PSMD1: variants seen among roughly 807,000 people sequenced by gnomAD.
PSMD1 encodes the protein 26S proteasome non-ATPase regulatory subunit 1.
Under a neutral mutation model 119.0 loss-of-function variants are expected in PSMD1, and 18 were observed. That is an observed-to-expected ratio of 0.15 (90% CI 0.10 to 0.22). PSMD1 has a LOEUF of 0.22. Ranked by LOEUF, PSMD1 falls within the 10% of genes least tolerant of loss-of-function variation. The pLI, the probability that PSMD1 is intolerant of heterozygous loss-of-function variation, is 1.00. For synonymous variants in PSMD1, 374 were observed against 396.6 expected (o/e 0.94, Z 0.68); for missense variants, 702 against 1,158.5 (o/e 0.61, Z 5.72).
chr2:231,082,249 A>G (rs866771), intron 12 of PSMD1, among the ~76,000 whole-genome samples: 3 of 151,778 alleles, frequency 2.0e-5, no homozygotes, highest in Non-Finnish European at 4.4e-5. Flanking sequence ...ATTTTTTTGT[A>G]CAGACCGAGT....
intron 17 of PSMD1, among the ~76,000 whole-genome samples, chr2:231,144,649 A>G (rs1297778311): frequency 2.6e-5 from 4 of 151,698 alleles, no homozygotes; most frequent in Non-Finnish European, 5.9e-5. Context: ...CCTGGCCTCA[A>G]TTAATCCACC....
intron 21 of PSMD1, 180 bp from the exon 22 acceptor site, chr2:231,165,020 T>C (rs1696725222): frequency 1.1e-5 from 1 of 94,960 alleles, no homozygotes; most frequent in Non-Finnish European, 2.0e-5. Context: ...ATTTATTCTT[T>C]GATTTATATA....
At chr2:231,109,351 A>G (rs1437017817) in intron 16 of PSMD1, 4 of 1,614,096 alleles carry the variant, frequency 2.5e-6, no homozygotes, top group South Asian at 1.1e-5. Flanking sequence ...CACAAGTGAT[A>G]TTGTTTGGGT....
At chr2:231,116,710 A>G (rs1482290041) in intron 16 of PSMD1, among the ~76,000 whole-genome samples, 1 of 152,102 alleles carries the variant, frequency 6.6e-6, no homozygotes, top group Non-Finnish European at 1.5e-5. Context: ...CAGAATTTAT[A>G]AACTCATTCC....
chr2:231,133,068 T>C (rs1237274603), intron 16 of PSMD1, among the ~76,000 whole-genome samples: 1 of 152,224 alleles, frequency 6.6e-6, no homozygotes. Context: ...TATACTTGGT[T>C]AAAGATTTCC....
intron 16 of PSMD1, among the ~76,000 whole-genome samples, chr2:231,088,197 G>A (rs1479384322): frequency 2.6e-5 from 4 of 152,296 alleles, no homozygotes; most frequent in Middle Eastern, 3.4e-3. Flanking sequence ...AGAACTAAGT[G>A]TGTATTAATA....
intron 16 of PSMD1, among the ~76,000 whole-genome samples, chr2:231,110,437 GAC>G (rs1168966119): frequency 1.4e-4 from 22 of 152,272 alleles, no homozygotes; most frequent in African/African-American, 4.3e-4. Flanking sequence ...TTATTAGAAA[GAC>G]AAATAATACA....
intron 16 of PSMD1, among the ~76,000 whole-genome samples, chr2:231,124,397 G>A (rs771155902): frequency 9.9e-5 from 15 of 151,804 alleles, no homozygotes; most frequent in Non-Finnish European, 1.5e-4. Flanking sequence ...TAGAAAAGTC[G>A]AAACACAATA....
intron 16 of PSMD1, among the ~76,000 whole-genome samples, chr2:231,106,635 AT>A (rs1412974536): frequency 6.6e-6 from 1 of 152,146 alleles, no homozygotes; most frequent in African/African-American, 2.4e-5. Flanking sequence ...GAAAAAAAAA[AT>A]TGTAAGCAAG....
rs1377746685 is a variant in PSMD1 at position 231,170,406 on chromosome 2, A to G, written c.2716-160A>G. The G allele has an allele frequency of 5.7e-6, 4 of 697,576 alleles. No individual in the cohort carries two copies. The highest frequency in any genetic ancestry group is 1.8e-5 in the African/African-American group (1 of 54,440). 43.2% of individuals were successfully genotyped at this position (697,576 alleles called of 1,614,324 possible). ...TGGGTTAAGTTTGCAAATACTTCGT[A>G]TAGATCACAGTTATCTTTATCCCAG... On this transcript the variant is annotated intron_variant, in intron 23 of 24. Transcript: ENST00000308696. The surrounding 1 kb of genome is among the most constrained non-coding windows in gnomAD (Gnocchi z 4.1).
intron 6 of PSMD1, among the ~76,000 whole-genome samples, chr2:231,071,204 C>T (rs55637820): frequency 0.15 from 23,394 of 151,726 alleles, 1,993 homozygotes; most frequent in Non-Finnish European, 0.17. Context: ...CTGCCCTCTT[C>T]CTGTCTGTAT....
chr2:231,098,403 CTCTCTT>C (rs778833195), intron 16 of PSMD1, among the ~76,000 whole-genome samples: 4 of 152,072 alleles, frequency 2.6e-5, no homozygotes, highest in Non-Finnish European at 5.9e-5. Context: ...TTTCTGTTCT[CTCTCTT>C]TCTCTGTCTC....
intron 16 of PSMD1, among the ~76,000 whole-genome samples, chr2:231,134,713 A>G (rs2125244500): frequency 6.6e-6 from 1 of 152,308 alleles, no homozygotes; most frequent in East Asian, 1.9e-4. Context: ...AACAACATTT[A>G]TCCCTCTGCT....
intron 19 of PSMD1, among the ~76,000 whole-genome samples, chr2:231,154,035 C>T (rs1696426512): frequency 6.6e-6 from 1 of 152,118 alleles, no homozygotes; most frequent in Admixed American, 6.5e-5. Flanking sequence ...ATCACTTGAA[C>T]CCAGGAAGTG....
At chr2:231,078,791 C>A (rs377099091) in intron 10 of PSMD1, 44 bp downstream of exon 10, 417 of 342,614 alleles carry the variant, frequency 1.2e-3, no homozygotes, top group Non-Finnish European at 1.6e-3. Flanking sequence ...AAATCTTTTT[C>A]TTTTTTTTTT....
chr2:231,102,677 G>C (rs1694896470), intron 16 of PSMD1, among the ~76,000 whole-genome samples: 1 of 151,998 alleles, frequency 6.6e-6, no homozygotes, highest in African/African-American at 2.4e-5. Context: ...AGGAGGAAGA[G>C]GAGAGGTTGG....
rs1356224826 is a variant in PSMD1, at chr2:231,161,598, A to G, written c.2388+89A>G. 17 of 1,324,010 alleles carry G rather than the reference A, an allele frequency of 1.3e-5. No homozygotes were observed. The East Asian group carries it at 4.0e-4, about 31-fold the overall frequency. 82.0% of individuals were successfully genotyped at this position (1,324,010 alleles called of 1,614,324 possible). ...GCCCACTTGCAAGGATTTCCATTAA[A>G]TTTTAAAGATGAGTTAACATCTTAT... On this transcript the variant is annotated intron_variant, in intron 20 of 24. Coordinates refer to ENST00000308696, the MANE Select transcript of PSMD1 (RefSeq NM_002807.4).
intron 10 of PSMD1, among the ~76,000 whole-genome samples, chr2:231,079,040 C>T (rs1454232724): frequency 6.6e-6 from 1 of 151,992 alleles, no homozygotes; most frequent in African/African-American, 2.4e-5. Flanking sequence ...GGTGATCTGC[C>T]CACCTCGGCC....
intron 9 of PSMD1, 30 bp downstream of exon 9, chr2:231,077,192 T>A (rs1279472654): frequency 1.5e-6 from 2 of 1,363,042 alleles, no homozygotes; most frequent in South Asian, 1.6e-5. Context: ...TAGAGGATTT[T>A]AAAAAATATT....
Sources: allele counts gnomAD v4.1 joint callset (sites outside exome capture counted in the v4.1 genomes callset), GRCh38; gene constraint gnomAD v4.1.1; non-coding constraint Gnocchi (gnomAD v3.1); transcripts MANE v1.5; gene names NCBI Gene and HGNC (gene_info 2026-07-23, HGNC 2026-07-21).